DEGS2: variants seen among roughly 807,000 people sequenced by gnomAD.
DEGS2 encodes the protein delta 4-desaturase, sphingolipid 2, also known as sphingolipid delta(4)-desaturase/C4-monooxygenase DES2.
In DEGS2, 19 loss-of-function variants were observed where a neutral mutation model predicts 23.8. The observed-to-expected ratio is 0.80, with a 90% confidence interval of 0.56 to 1.17. The LOEUF (loss-of-function observed/expected upper bound fraction) is 1.17. DEGS2 is among the 50% of genes most tolerant of loss of function. The pLI is 0.00. For missense variants in DEGS2, 390 were observed against 459.5 expected (o/e 0.85, Z 1.38); for synonymous variants, 218 against 213.7 (o/e 1.02, Z -0.18).
At chr14:100,155,574 G>A (rs1317994499) in intron 1 of DEGS2, 2 of 142,798 alleles carry the variant, frequency 1.4e-5, no homozygotes, top group East Asian at 2.2e-4. Context: ...GGAGCAGCCA[G>A]GCCCCCGTAC....
At chr14:100,146,962 G>A (rs1033345702) in intron 2 of DEGS2, 55 bp from the exon 3 acceptor site, 42 of 1,577,854 alleles carry the variant, frequency 2.7e-5, no homozygotes, top group African/African-American at 6.7e-5. Flanking sequence ...CCGCACCCGC[G>A]AGCACACACG....
At chr14:100,158,763 C>T (rs1485391941) in intron 1 of DEGS2, among the ~76,000 whole-genome samples, 1 of 152,140 alleles carries the variant, frequency 6.6e-6, no homozygotes. Flanking sequence ...AGACGCAGGC[C>T]CTTTAACCCC....
the DEGS2 span, among the ~76,000 whole-genome samples, chr14:100,165,570 T>G: frequency 6.6e-6 from 1 of 152,224 alleles, no homozygotes; most frequent in African/African-American, 2.4e-5. Context: ...CGGTAACTGG[T>G]TCCACCGGGC....
chr14:100,154,124 G>A (rs534688870), intron 1 of DEGS2, among the ~76,000 whole-genome samples: 7 of 152,274 alleles, frequency 4.6e-5, no homozygotes, highest in African/African-American at 1.7e-4. Flanking sequence ...CAGCACTTTG[G>A]GAGGCTGAGA....
chr14:100,160,397 C>T (rs1325169611), upstream of DEGS2, among the ~76,000 whole-genome samples: 2 of 152,176 alleles, frequency 1.3e-5, no homozygotes, highest in Admixed American at 1.3e-4. Context: ...AGGAGTTCAA[C>T]AGCTAGAAAA....
At chr14:100,162,349 AAAAT>A (rs1024778548), upstream of DEGS2, among the ~76,000 whole-genome samples, 47 of 151,344 alleles carry the variant, frequency 3.1e-4, no homozygotes, top group African/African-American at 9.5e-4. Context: ...CTCCGTCTCA[AAAAT>A]AAATAAATAA....
At chr14:100,150,387 A>ACCCCCCCCCCCCCCCCCCCCCC (rs778863717) in intron 1 of DEGS2, among the ~76,000 whole-genome samples, 1 of 92,320 alleles carries the variant, frequency 1.1e-5, no homozygotes, top group African/African-American at 4.6e-5. Context: ...CCACCCCAAC[A>ACCCCCCCCCCCCCCCCCCCCCC]CCCCCCCCCG....
intron 1 of DEGS2, among the ~76,000 whole-genome samples, chr14:100,158,563 C>G (rs1239794569): frequency 6.6e-6 from 1 of 152,176 alleles, no homozygotes; most frequent in Non-Finnish European, 1.5e-5. Flanking sequence ...TTAAATAAAA[C>G]GCCCGATTAA....
intron 2 of DEGS2, among the ~76,000 whole-genome samples, chr14:100,147,805 G>A (rs77401985): frequency 0.026 from 3,941 of 152,116 alleles, 172 homozygotes; most frequent in African/African-American, 0.09. Flanking sequence ...CTCAGGAAAG[G>A]TAAAGGCTCA....
chr14:100,157,086 T>C (rs1595279630), intron 1 of DEGS2, among the ~76,000 whole-genome samples: 1 of 152,236 alleles, frequency 6.6e-6, no homozygotes, highest in East Asian at 1.9e-4. Context: ...CTTCCCTCTT[T>C]AGAGAGAGCT....
At chr14:100,165,629 G>A in the DEGS2 span, among the ~76,000 whole-genome samples, 1 of 152,176 alleles carries the variant, frequency 6.6e-6, no homozygotes, top group African/African-American at 2.4e-5. Context: ...TGCTGCTGCT[G>A]TGGACGCCTC....
intron 1 of DEGS2, among the ~76,000 whole-genome samples, chr14:100,153,327 A>T (rs1037375845): frequency 2.0e-5 from 3 of 152,196 alleles, no homozygotes; most frequent in Non-Finnish European, 2.9e-5. Flanking sequence ...AGATAGATAC[A>T]TAGATCCTAT....
rs1482834375 is a variant in DEGS2 at position 100,144,002 on chromosome 14, T to C, written c.*2759A>G. The C allele has an allele frequency of 7.7e-6, 4 of 522,172 alleles. No homozygotes were observed. Among genetic ancestry groups the C allele is most frequent in the African/African-American group, 1.9e-5 (1 of 51,538 alleles). 32.3% of individuals were successfully genotyped at this position (522,172 alleles called of 1,614,324 possible). A position where few individuals can be genotyped will look rare whatever the true frequency, so the allele number is the denominator to read the frequency against. On this transcript the variant is annotated 3_prime_UTR_variant, in exon 3 of 3. Coordinates refer to ENST00000305631, the MANE Select transcript of DEGS2 (RefSeq NM_206918.3). ...ATTTGCTTATTTAAGGTACATTTCTTTGGGTTTCTAGAGACGCCCCTAAGT... is the reference window on the plus strand; with the variant it reads ...ATTTGCTTATTTAAGGTACATTTCTCTGGGTTTCTAGAGACGCCCCTAAGT...
rs554740158 is a variant in DEGS2 at position 100,145,841 on chromosome 14, G to A, written c.*920C>T. 6.6e-6 allele frequency: 1 copy of A among 152,502 alleles called. No homozygotes were observed. The highest frequency in any genetic ancestry group is 2.1e-4 in the South Asian group (1 of 4,832). The allele number at this position is 152,502 out of a possible 1,614,324, so 9.4% of individuals were successfully genotyped here. Reference sequence around the variant, plus strand: ...CGTCTCACGTCACGCACACTCCCAGGACGCTGCCCGACCCGCATCCCATCT... The same window carrying A: ...CGTCTCACGTCACGCACACTCCCAGAACGCTGCCCGACCCGCATCCCATCT... On this transcript the variant is annotated 3_prime_UTR_variant, in exon 3 of 3. Transcript: ENST00000305631.
the DEGS2 span, among the ~76,000 whole-genome samples, chr14:100,165,493 C>T: frequency 1.2e-4 from 19 of 152,368 alleles, no homozygotes; most frequent in African/African-American, 4.6e-4. Flanking sequence ...GGCCTCACTA[C>T]ACCTGCCTGC....
At chr14:100,152,227 G>T (rs1889583741) in intron 1 of DEGS2, among the ~76,000 whole-genome samples, 1 of 152,194 alleles carries the variant, frequency 6.6e-6, no homozygotes, top group Non-Finnish European at 1.5e-5. Flanking sequence ...GGGCAACAGG[G>T]AGGCACCAGA....
At chr14:100,147,283 A>T (rs1889466621) in intron 2 of DEGS2, among the ~76,000 whole-genome samples, 1 of 152,184 alleles carries the variant, frequency 6.6e-6, no homozygotes, top group Admixed American at 6.5e-5. Context: ...TGGTAGTTGC[A>T]GAATTCATTG....
chr14:100,154,218 A>C (rs1750368686), intron 1 of DEGS2, among the ~76,000 whole-genome samples: 1 of 152,202 alleles, frequency 6.6e-6, no homozygotes, highest in African/African-American at 2.4e-5. Flanking sequence ...TACAAAAATC[A>C]GCTGGACAAG....
At chr14:100,156,197 G>C (rs1034072973) in intron 1 of DEGS2, among the ~76,000 whole-genome samples, 2 of 152,240 alleles carry the variant, frequency 1.3e-5, no homozygotes, top group Non-Finnish European at 2.9e-5. Context: ...GAGCCAGCTG[G>C]GTGGGGCAGG....
Sources: allele counts gnomAD v4.1 joint callset (sites outside exome capture counted in the v4.1 genomes callset), GRCh38; gene constraint gnomAD v4.1.1; transcripts MANE v1.5; gene names NCBI Gene and HGNC (gene_info 2026-07-23, HGNC 2026-07-21).